The following TRDN variants were observed in gnomAD, a reference collection of about 807,000 sequenced individuals.
TRDN encodes triadin in skeletal muscle.
In TRDN, 161 loss-of-function variants were observed where a neutral mutation model predicts 149.7. The observed-to-expected ratio is 1.08, with a 90% CI of 0.95 to 1.23. TRDN has a LOEUF of 1.23. Among genes scored for constraint, TRDN ranks in the 50% most tolerant of loss-of-function variants. TRDN has a pLI of 0.00. For synonymous variants in TRDN, 294 were observed against 250.5 expected (o/e 1.17, Z -1.64); for missense variants, 896 against 823.5 (o/e 1.09, Z -1.08).
intron 7 of TRDN, among the ~76,000 whole-genome samples, chr6:123,507,871 A>G (rs573628113): frequency 6.6e-6 from 1 of 152,276 alleles, no homozygotes; most frequent in African/African-American, 2.4e-5. Flanking sequence ...ATTAAATAGA[A>G]TAGTATCCCT....
At chr6:123,272,056 C>G (rs1440428814) in intron 29 of TRDN, among the ~76,000 whole-genome samples, 4 of 151,920 alleles carry the variant, frequency 2.6e-5, no homozygotes, top group Non-Finnish European at 5.9e-5. Context: ...TCTCCACACT[C>G]CAGCCCTGCT....
chr6:123,273,476 G>A (rs1451937434), intron 27 of TRDN, 113 bp from the exon 28 acceptor site: 4 of 477,624 alleles, frequency 8.4e-6, no homozygotes, highest in South Asian at 1.3e-4. Flanking sequence ...GCTTTAAATA[G>A]TACTGGGTTT....
intron 22 of TRDN, among the ~76,000 whole-genome samples, chr6:123,336,186 C>A (rs1424107557): frequency 1.3e-5 from 2 of 151,790 alleles, no homozygotes; most frequent in East Asian, 1.9e-4. Context: ...AAATATAAGA[C>A]CCCTATTCTA....
At chr6:123,250,726 T>A (rs1776344966) in intron 38 of TRDN, among the ~76,000 whole-genome samples, 1 of 152,092 alleles carries the variant, frequency 6.6e-6, no homozygotes. Context: ...CTCATAATCT[T>A]ACTCTTACTA....
chr6:123,382,713 A>G (rs2114422648), intron 14 of TRDN, among the ~76,000 whole-genome samples: 1 of 152,124 alleles, frequency 6.6e-6, no homozygotes, highest in East Asian at 1.9e-4. Context: ...CACTATATTT[A>G]TAACTGTTAT....
chr6:123,413,970 G>A (rs1033156652), intron 12 of TRDN, among the ~76,000 whole-genome samples: 3 of 151,976 alleles, frequency 2.0e-5, no homozygotes, highest in Non-Finnish European at 4.4e-5. Context: ...AAGGTTCAAG[G>A]GGTAACTAGT....
intron 9 of TRDN, among the ~76,000 whole-genome samples, chr6:123,486,676 TTAA>T (rs944983734): frequency 1.2e-3 from 176 of 152,098 alleles, no homozygotes; most frequent in African/African-American, 3.9e-3. Flanking sequence ...TTCCTCTACT[TTAA>T]TAATAATAAT....
chr6:123,509,098 CACAT>C (rs1422184595), intron 7 of TRDN, among the ~76,000 whole-genome samples: 1 of 151,854 alleles, frequency 6.6e-6, no homozygotes, highest in African/African-American at 2.4e-5. Context: ...CATATATACA[CACAT>C]ATATATGTTT....
chr6:123,442,037 T>C (rs751186931), intron 10 of TRDN: 19 of 152,224 alleles, frequency 1.2e-4, no homozygotes, highest in Non-Finnish European at 2.4e-4. Flanking sequence ...GCTCACAATA[T>C]GACCATGGAA....
At chr6:123,335,572 T>C (rs1779831338) in intron 22 of TRDN, among the ~76,000 whole-genome samples, 1 of 151,902 alleles carries the variant, frequency 6.6e-6, no homozygotes, top group Non-Finnish European at 1.5e-5. Flanking sequence ...CTCCAGATAA[T>C]GTTTTCCAGG....
In TRDN at chr6:123,276,516, G is replaced by A. The variant is rs148350322; in HGVS notation, c.1567+1802C>T. Among the ~76,000 whole-genome samples the A allele has an allele frequency of 1.4e-3, 212 of 152,230 alleles. 5 individuals are homozygous for A. The East Asian group carries it at 0.035, about 25-fold the overall frequency. On this transcript the variant is annotated intron_variant, in intron 26 of 40. Transcript: ENST00000334268. ...ATACACATAAATTGAAGAAGATACC[G>A]TTAATCGAATAAGAACTGGCACTTA... is the stretch of plus-strand genomic sequence containing the variant.
chr6:123,611,543 T>C lies in TRDN; in HGVS notation c.22+25211A>G, dbSNP rs148016521. 1.8e-3 allele frequency among the ~76,000 whole-genome samples: 267 copies of C among 152,288 alleles called. 2 individuals carry two copies. The highest frequency in any genetic ancestry group is 3.2e-3 in the Non-Finnish European group (218 of 68,008). ...ATCAACATAAGATAAAAGAAATAAA[T>C]TCATATTTATGATGTCCTATTATGT... On this transcript the variant is annotated intron_variant, in intron 1 of 40. Coordinates refer to ENST00000334268, the MANE Select transcript of TRDN (RefSeq NM_006073.4).
Position 123,602,316 on chromosome 6 carries a change from G to A in TRDN, c.23-31184C>T, listed in dbSNP as rs115231050. ...AGCTGGGGGCATTATTCTAAGTGAAGTAACACAAGAATGGAAAACCAAATA... is the reference window on the plus strand; with the variant it reads ...AGCTGGGGGCATTATTCTAAGTGAAATAACACAAGAATGGAAAACCAAATA... On this transcript the variant is annotated intron_variant, in intron 1 of 40. Transcript: ENST00000334268. Among the ~76,000 whole-genome samples the A allele has an allele frequency of 8.5e-3, 1,286 of 152,096 alleles. 15 individuals are homozygous for A. The highest frequency in any genetic ancestry group is 0.029 in the African/African-American group (1,206 of 41,492).
At chr6:123,243,563 T>C in intron 38 of TRDN, among the ~76,000 whole-genome samples, 1 of 151,970 alleles carries the variant, frequency 6.6e-6, no homozygotes, top group East Asian at 1.9e-4. Context: ...GAATCGGAAA[T>C]TTAAAAAAGA....
chr6:123,596,285 A>C (rs1784033968), intron 1 of TRDN, among the ~76,000 whole-genome samples: 1 of 152,108 alleles, frequency 6.6e-6, no homozygotes, highest in Admixed American at 6.6e-5. Context: ...GAAGGCTTAG[A>C]GAAGTAAGGA....
chr6:123,388,652 T>C (rs2114444143), intron 13 of TRDN, 101 bp from the exon 14 acceptor site: 1 of 1,314,036 alleles, frequency 7.6e-7, no homozygotes, highest in South Asian at 1.3e-5. Flanking sequence ...AATTCAGTGG[T>C]CACCTATACA....
chr6:123,223,428 T>A (rs1376867756), intron 39 of TRDN, among the ~76,000 whole-genome samples: 1 of 151,738 alleles, frequency 6.6e-6, no homozygotes, highest in Non-Finnish European at 1.5e-5. Flanking sequence ...CATGTACCCC[T>A]AAACCTAAAG....
chr6:123,580,634 T>C (rs974398895), intron 1 of TRDN, among the ~76,000 whole-genome samples: 3 of 152,184 alleles, frequency 2.0e-5, no homozygotes, highest in Non-Finnish European at 2.9e-5. Flanking sequence ...ATGATTATTA[T>C]ACCCTTTATA....
chr6:123,488,455 T>G (rs752130746), intron 9 of TRDN, among the ~76,000 whole-genome samples: 1 of 152,186 alleles, frequency 6.6e-6, no homozygotes. Context: ...TTGACCCCAC[T>G]GTATTCCTAT....
Sources: allele counts gnomAD v4.1 joint callset (sites outside exome capture counted in the v4.1 genomes callset), GRCh38; gene constraint gnomAD v4.1.1; transcripts MANE v1.5; gene names NCBI Gene and HGNC (gene_info 2026-07-23, HGNC 2026-07-21).